Variants in STRN3 observed in about 807,000 individuals in gnomAD.
STRN3 encodes the protein striatin-3.
In STRN3, 29 loss-of-function variants were observed where a neutral mutation model predicts 95.6. The observed-to-expected ratio is 0.30, with a 90% CI of 0.23 to 0.41. STRN3 has a LOEUF of 0.41. STRN3 is among the 10% of genes least tolerant of loss of function. STRN3 has a pLI of 1.00. For missense variants in STRN3, 890 were observed against 972.1 expected (o/e 0.92, Z 1.12); for synonymous variants, 331 against 357.6 (o/e 0.93, Z 0.84).
chr14:30,946,358 C>A (rs1241499872), intron 5 of STRN3, among the ~76,000 whole-genome samples: 4 of 151,642 alleles, frequency 2.6e-5, no homozygotes, highest in Non-Finnish European at 5.9e-5. Flanking sequence ...GCCTGGGCAA[C>A]AGAGCAAGAA....
Position 30,929,991 on chromosome 14 carries a change from C to T in STRN3, c.989-680G>A, listed in dbSNP as rs1256475882. ...AAAAAAAAAAAAAACTCAAATTCCA[C>T]TGAAGAATTTTTTTAGAATTGATTT... is the stretch of plus-strand genomic sequence containing the variant. On this transcript the variant is annotated intron_variant, in intron 7 of 17. Coordinates refer to ENST00000357479, the MANE Select transcript of STRN3 (RefSeq NM_001083893.2). 7.7e-5 allele frequency among the ~76,000 whole-genome samples: 3 copies of T among 39,008 alleles called. No homozygotes were observed. In the East Asian group the frequency reaches 2.1e-3, roughly 28 times the overall value. The allele number at this position is 39,008 out of a possible 152,430, so 25.6% of individuals were successfully genotyped here.
intron 1 of STRN3, among the ~76,000 whole-genome samples, chr14:30,966,203 C>G (rs112818651): frequency 1.3e-4 from 19 of 151,188 alleles, no homozygotes; most frequent in East Asian, 1.9e-4. Context: ...GGGAACAACA[C>G]GGCAGCAAAG....
At chr14:30,936,087 A>G (rs1027926419) in intron 6 of STRN3, among the ~76,000 whole-genome samples, 3 of 152,216 alleles carry the variant, frequency 2.0e-5, no homozygotes, top group Non-Finnish European at 4.4e-5. Flanking sequence ...AAAATACAAG[A>G]ATGTTGAGAC....
At chr14:30,927,204 T>A (rs1878225462) in intron 8 of STRN3, among the ~76,000 whole-genome samples, 1 of 152,044 alleles carries the variant, frequency 6.6e-6, no homozygotes, top group Non-Finnish European at 1.5e-5. Context: ...TCCCAGCTAC[T>A]CAGGAGGCTG....
chr14:30,995,672 T>TA (rs1361832297), intron 1 of STRN3, among the ~76,000 whole-genome samples: 4 of 152,124 alleles, frequency 2.6e-5, no homozygotes, highest in Non-Finnish European at 5.9e-5. Flanking sequence ...AGTAAAAACA[T>TA]ACCACTACTT....
intron 7 of STRN3, among the ~76,000 whole-genome samples, chr14:30,930,754 A>G (rs1022340747): frequency 1.3e-5 from 2 of 152,184 alleles, no homozygotes; most frequent in African/African-American, 4.8e-5. Context: ...AGTTTCCTGA[A>G]AATTATGCTG....
chr14:31,013,258 C>T (rs1883053908), intron 1 of STRN3, among the ~76,000 whole-genome samples: 1 of 151,406 alleles, frequency 6.6e-6, no homozygotes, highest in African/African-American at 2.4e-5. Context: ...TCCTGTAGTT[C>T]CAAACTTGCG....
intron 1 of STRN3, among the ~76,000 whole-genome samples, chr14:31,013,822 T>C (rs1333836218): frequency 6.7e-6 from 1 of 150,224 alleles, no homozygotes; most frequent in African/African-American, 2.5e-5. Context: ...CTCGAACTCC[T>C]GGCCTCAACC....
intron 1 of STRN3, among the ~76,000 whole-genome samples, chr14:31,014,456 G>A (rs1181164719): frequency 6.6e-6 from 1 of 152,144 alleles, no homozygotes; most frequent in Non-Finnish European, 1.5e-5. Flanking sequence ...TCCTAATCTT[G>A]TGATCCACCT....
chr14:30,957,529 A>G (rs1333122570), intron 1 of STRN3, among the ~76,000 whole-genome samples: 1 of 151,994 alleles, frequency 6.6e-6, no homozygotes, highest in Non-Finnish European at 1.5e-5. Context: ...TCCAAATTCC[A>G]TTTTAATTCT....
chr14:30,972,621 C>T (rs985195659), intron 1 of STRN3, among the ~76,000 whole-genome samples: 4 of 151,444 alleles, frequency 2.6e-5, no homozygotes, highest in African/African-American at 7.3e-5. Context: ...GGCAACATGG[C>T]AAGACTCCAT....
chr14:30,953,565 T>TAC (rs1879756368), intron 3 of STRN3, among the ~76,000 whole-genome samples: 1 of 152,216 alleles, frequency 6.6e-6, no homozygotes. Context: ...TGAAAATTCT[T>TAC]ACACAAGCTT....
intron 1 of STRN3, among the ~76,000 whole-genome samples, chr14:30,986,415 G>T (rs1356199697): frequency 6.6e-6 from 1 of 152,200 alleles, no homozygotes; most frequent in Non-Finnish European, 1.5e-5. Flanking sequence ...ATGCCTTCAA[G>T]AACTCAAGCA....
At chr14:31,014,106 T>C (rs573842867) in intron 1 of STRN3, among the ~76,000 whole-genome samples, 6 of 152,068 alleles carry the variant, frequency 3.9e-5, no homozygotes, top group African/African-American at 1.4e-4. Flanking sequence ...GGTATCACTT[T>C]GTTGCCCAGA....
In STRN3 at chr14:30,999,604, C is replaced by T. The variant is rs188012091; in HGVS notation, c.282+26300G>A. Among the ~76,000 whole-genome samples, 299 of 152,170 alleles carry T rather than the reference C, an allele frequency of 2.0e-3. 1 individual carries two copies. Among genetic ancestry groups the T allele is most frequent in the African/African-American group, 7.1e-3 (293 of 41,530 alleles). ...ACAATCAACCAACTTGAAGATAGGT[C>T]AACTGAGATTAGCCAGTCTGAGAAC... On this transcript the variant is annotated intron_variant, in intron 1 of 17. Transcript: ENST00000357479.
chr14:30,928,693 C>CA (rs1878315587), intron 8 of STRN3, among the ~76,000 whole-genome samples: 1 of 152,020 alleles, frequency 6.6e-6, no homozygotes, highest in South Asian at 2.1e-4. Context: ...CCACAGTAGC[C>CA]AAAAAATACT....
intron 15 of STRN3, among the ~76,000 whole-genome samples, chr14:30,904,160 CT>C (rs1451310376): frequency 1.3e-5 from 2 of 152,114 alleles, no homozygotes; most frequent in African/African-American, 4.8e-5. Flanking sequence ...ACCACAACTC[CT>C]TAGATAAATA....
intron 1 of STRN3, among the ~76,000 whole-genome samples, chr14:31,008,023 G>A (rs1031423146): frequency 6.6e-6 from 1 of 151,572 alleles, no homozygotes; most frequent in South Asian, 2.1e-4. Flanking sequence ...TGGTTAAACC[G>A]AGTCTCTACA....
At chr14:30,995,395 G>C (rs191488243) in intron 1 of STRN3, among the ~76,000 whole-genome samples, 1 of 151,984 alleles carries the variant, frequency 6.6e-6, no homozygotes, top group African/African-American at 2.4e-5. Context: ...GGAGTTTAGA[G>C]ACTTACATTC....
Sources: gnomAD v4.1 joint callset for allele counts (sites outside exome capture counted in the v4.1 genomes callset) on GRCh38, gnomAD v4.1.1 for gene constraint, MANE v1.5 for transcripts, NCBI Gene and HGNC (gene_info 2026-07-23, HGNC 2026-07-21) for gene names.